Variants in SLC35F4 observed in about 807,000 individuals in gnomAD.
SLC35F4 encodes solute carrier family 35 member F4.
In SLC35F4, 24 loss-of-function variants were observed where a neutral mutation model predicts 44.2. The observed-to-expected ratio is 0.54, with a 90% CI of 0.39 to 0.76. The LOEUF is 0.76. Among genes scored for constraint, SLC35F4 ranks in the 30% least tolerant of loss-of-function variants. The pLI is 0.00. For missense variants in SLC35F4, 562 were observed against 586.1 expected, an observed-to-expected ratio of 0.96 and a Z score of 0.42; for synonymous variants, 238 against 223.6, an observed-to-expected ratio of 1.06 and a Z score of -0.57.
intron 1 of SLC35F4, among the ~76,000 whole-genome samples, chr14:57,774,823 C>T (rs1223251299): frequency 6.6e-6 from 1 of 152,236 alleles, no homozygotes; most frequent in African/African-American, 2.4e-5. Flanking sequence ...CCACATCCTG[C>T]ATTGCTTTGA....
chr14:57,946,863 T>C (rs1890042777), intron 1 of SLC35F4, among the ~76,000 whole-genome samples: 1 of 152,212 alleles, frequency 6.6e-6, no homozygotes, highest in Admixed American at 6.5e-5. Context: ...TTGCTAACTA[T>C]AGCCTTGTAG....
At chr14:57,894,763 C>A (rs542092088) in intron 1 of SLC35F4, among the ~76,000 whole-genome samples, 1 of 151,102 alleles carries the variant, frequency 6.6e-6, no homozygotes, top group Non-Finnish European at 1.5e-5. Flanking sequence ...ATAGTTTCAG[C>A]TTTTGGCATG....
intron 1 of SLC35F4, among the ~76,000 whole-genome samples, chr14:57,883,904 G>T (rs1389148650): frequency 2.0e-5 from 3 of 151,952 alleles, no homozygotes; most frequent in Non-Finnish European, 4.4e-5. Flanking sequence ...CTAACGTTTT[G>T]TACAGTATTT....
At chr14:57,771,112 A>G (rs1422803864) in intron 1 of SLC35F4, among the ~76,000 whole-genome samples, 1 of 152,054 alleles carries the variant, frequency 6.6e-6, no homozygotes, top group African/African-American at 2.4e-5. Context: ...TCTTTTGGAG[A>G]GTATAATTTC....
intron 1 of SLC35F4, among the ~76,000 whole-genome samples, chr14:57,648,932 G>A (rs566226284): frequency 4.6e-5 from 7 of 152,202 alleles, no homozygotes; most frequent in East Asian, 1.9e-4. Flanking sequence ...ACAGACCTAC[G>A]ACTCACTCAC....
intron 7 of SLC35F4, among the ~76,000 whole-genome samples, chr14:57,565,440 T>C (rs1480063665): frequency 1.3e-5 from 2 of 152,218 alleles, no homozygotes; most frequent in African/African-American, 4.8e-5. Flanking sequence ...AGCAATTCTA[T>C]GTTGTAATTA....
At chr14:57,735,850 T>A (rs2076451128) in intron 1 of SLC35F4, among the ~76,000 whole-genome samples, 1 of 152,022 alleles carries the variant, frequency 6.6e-6, no homozygotes, top group Admixed American at 6.6e-5. Context: ...GCCTCCCAAG[T>A]AGCTGAGACT....
At chr14:57,949,503 G>C (rs1204037829) in intron 1 of SLC35F4, among the ~76,000 whole-genome samples, 2 of 152,154 alleles carry the variant, frequency 1.3e-5, no homozygotes, top group Non-Finnish European at 2.9e-5. Flanking sequence ...TATCTTTCAA[G>C]TGAAGCATTT....
Position 57,763,749 on chromosome 14 carries a change from A to G in SLC35F4, c.103+101974T>C, listed in dbSNP as rs536023014. On this transcript the variant is annotated intron_variant, in intron 1 of 7. Coordinates refer to ENST00000556826, the MANE Select transcript of SLC35F4 (RefSeq NM_001306087.2). ...AAACACACAGCTTTTCTGCCATTCC[A>G]TATTATGGTAGCTTGTATTTTCCAA... Among the ~76,000 whole-genome samples, 5 of 152,262 alleles carry G rather than the reference A, an allele frequency of 3.3e-5. No homozygotes were observed. In the East Asian group the frequency reaches 7.7e-4, roughly 23 times the overall value.
intron 1 of SLC35F4, among the ~76,000 whole-genome samples, chr14:57,898,025 C>T (rs808240): frequency 0.16 from 24,597 of 152,112 alleles, 2,065 homozygotes; most frequent in South Asian, 0.22. Context: ...AAACTGGTAG[C>T]AGCAAAATCA....
At chr14:57,790,817 C>G (rs751631942) in intron 1 of SLC35F4, among the ~76,000 whole-genome samples, 3 of 152,096 alleles carry the variant, frequency 2.0e-5, no homozygotes, top group Non-Finnish European at 2.9e-5. Context: ...ACAGAGGCCT[C>G]AGAAATAACA....
At chr14:57,697,519 G>A (rs1277309285) in intron 1 of SLC35F4, among the ~76,000 whole-genome samples, 1 of 151,902 alleles carries the variant, frequency 6.6e-6, no homozygotes, top group Non-Finnish European at 1.5e-5. Flanking sequence ...TGGGCAACAT[G>A]GCAAAACCCC....
intron 3 of SLC35F4, 115 bp from the exon 4 acceptor site, chr14:57,581,548 A>T: frequency 1.1e-6 from 1 of 900,438 alleles, no homozygotes; most frequent in Middle Eastern, 3.3e-4. Flanking sequence ...CCCATCCTTC[A>T]TTGTGAAGTA....
intron 4 of SLC35F4, among the ~76,000 whole-genome samples, chr14:57,575,336 C>T (rs904488016): frequency 1.9e-4 from 29 of 152,120 alleles, no homozygotes; most frequent in African/African-American, 7.0e-4. Context: ...AAAAAGTAGC[C>T]GTGCTTTGGT....
At chr14:57,956,909 A>G (rs1890248048) in intron 1 of SLC35F4, among the ~76,000 whole-genome samples, 1 of 152,176 alleles carries the variant, frequency 6.6e-6, no homozygotes, top group African/African-American at 2.4e-5. Flanking sequence ...AGAACCAGAA[A>G]TACCATTTGA....
At chr14:57,689,197 T>A (rs1319658840) in intron 1 of SLC35F4, among the ~76,000 whole-genome samples, 1 of 152,172 alleles carries the variant, frequency 6.6e-6, no homozygotes, top group Non-Finnish European at 1.5e-5. Flanking sequence ...ATTGTTGACC[T>A]CAGTTAACAG....
intron 1 of SLC35F4, among the ~76,000 whole-genome samples, chr14:57,679,871 G>C (rs1411345837): frequency 6.6e-6 from 1 of 152,010 alleles, no homozygotes; most frequent in Non-Finnish European, 1.5e-5. Context: ...CTGAAATTGA[G>C]GCAGAAATTA....
intron 1 of SLC35F4, among the ~76,000 whole-genome samples, chr14:57,659,178 G>C (rs576757196): frequency 3.9e-5 from 6 of 152,250 alleles, no homozygotes; most frequent in African/African-American, 1.4e-4. Context: ...GAGGAAGAAA[G>C]GTATGCCTGG....
intron 1 of SLC35F4, among the ~76,000 whole-genome samples, chr14:57,721,922 GTTGAT>G (rs1422897873): frequency 1.3e-5 from 2 of 151,960 alleles, no homozygotes; most frequent in South Asian, 4.2e-4. Flanking sequence ...GCAAGATAAT[GTTGAT>G]TCTCATTATC....
Sources: allele counts gnomAD v4.1 joint callset (sites outside exome capture counted in the v4.1 genomes callset), GRCh38; gene constraint gnomAD v4.1.1; transcripts MANE v1.5; gene names NCBI Gene and HGNC (gene_info 2026-07-23, HGNC 2026-07-21).